The following CBR4 variants were observed in gnomAD, a reference collection of about 807,000 sequenced individuals.
The protein encoded by CBR4 is carbonyl reductase 4.
In CBR4, 22 loss-of-function variants were observed where a neutral mutation model predicts 21.0. That is an observed-to-expected ratio of 1.05 (90% CI 0.75 to 1.50). CBR4 has a LOEUF of 1.50. CBR4 is among the 40% of genes most tolerant of loss of function. The pLI is 0.00. For missense variants in CBR4, 302 were observed against 286.3 expected, an observed-to-expected ratio of 1.05 and a Z score of -0.40; for synonymous variants, 100 against 104.4, an observed-to-expected ratio of 0.96 and a Z score of 0.26.
At chr4:168,921,783 AT>A in intron 2 of CBR4, 1 of 1,430,060 alleles carries the variant, frequency 7.0e-7, no homozygotes, top group Non-Finnish European at 9.9e-7. Context: ...CAGAATGAAC[AT>A]CAGACTTACA....
intron 4 of CBR4, among the ~76,000 whole-genome samples, chr4:168,994,745 ATTTTTTTTTTTT>A (rs5863973): frequency 2.0e-4 from 10 of 48,784 alleles, no homozygotes; most frequent in Non-Finnish European, 3.0e-4. Flanking sequence ...CGCCTGGCTA[ATTTTTTTTTTTT>A]TTTTTTTTTT....
chr4:169,002,009 A>G (rs1461569497), intron 4 of CBR4, 62 bp downstream of exon 4: 2 of 1,334,762 alleles, frequency 1.5e-6, no homozygotes, highest in Non-Finnish European at 2.0e-6. Flanking sequence ...AATGTTCCAA[A>G]TAATGGCTTC....
chr4:168,916,033 A>G, intron 2 of CBR4: 1 of 1,612,830 alleles, frequency 6.2e-7, no homozygotes, highest in Non-Finnish European at 8.5e-7. Flanking sequence ...GCAAAGTAAG[A>G]TTTTGTTATT....
At chr4:168,981,902 T>A (rs1449363033) in intron 2 of CBR4, among the ~76,000 whole-genome samples, 1 of 152,156 alleles carries the variant, frequency 6.6e-6, no homozygotes, top group East Asian at 1.9e-4. Context: ...TTACAAGAGG[T>A]CCATAAGACA....
Position 169,010,175 on chromosome 4 carries a change from CAAAAAAAAAAA to C in CBR4, c.-97_-87del. ...TCAGGCTTTTAAACAACCGCGGTTC[CAAAAAAAAAAA>C]AAAGAAAAAAAAAGGCAAACCGCAA... On this transcript the variant is annotated 5_prime_UTR_variant, in exon 1 of 5. Transcript: ENST00000306193. 3.0e-6 allele frequency: 2 copies of C among 664,130 alleles called. No homozygotes were observed. Among genetic ancestry groups the C allele is most frequent in the South Asian group, 4.9e-5 (1 of 20,244 alleles). The allele number at this position is 664,130 out of a possible 1,614,324, so 41.1% of individuals were successfully genotyped here.
intron 3 of CBR4, chr4:169,005,131 CAG>C (rs1162529668): frequency 2.0e-5 from 3 of 151,836 alleles, no homozygotes; most frequent in African/African-American, 7.3e-5. Flanking sequence ...GTGAAGTACA[CAG>C]AGAGAACAGA....
At chr4:168,941,573 T>C (rs1405931584) in intron 2 of CBR4, among the ~76,000 whole-genome samples, 2 of 152,162 alleles carry the variant, frequency 1.3e-5, no homozygotes, top group Non-Finnish European at 1.5e-5. Context: ...TAAAAAAAGA[T>C]ACATACCCAG....
In CBR4 at chr4:169,010,085, T is replaced by C; in HGVS notation, c.5A>G (p.Asp2Gly). Reference sequence around the variant, plus strand: ...GCCTCCAAAAACAGCACACACTTTGTCCATCTCGGAGTCACAAACTCGGAG... The same window carrying C: ...GCCTCCAAAAACAGCACACACTTTGCCCATCTCGGAGTCACAAACTCGGAG... M[D>G]KVCAVFGGSR... Residue 2 changes from aspartate to glycine, a missense_variant, in exon 1 of 5, where the codon GAC becomes GGC. By Grantham distance (94) the Asp-to-Gly change is moderately conservative. Transcript: ENST00000306193. The C allele has an allele frequency of 1.2e-6, 2 of 1,608,216 alleles. No individual in the cohort carries two copies. Among genetic ancestry groups the C allele is most frequent in the Non-Finnish European group, 1.7e-6 (2 of 1,178,218 alleles).
intron 4 of CBR4, among the ~76,000 whole-genome samples, chr4:168,998,726 G>A (rs1410958620): frequency 6.6e-6 from 1 of 152,100 alleles, no homozygotes; most frequent in Non-Finnish European, 1.5e-5. Flanking sequence ...AAAAAGTGAA[G>A]CAGCTCTATA....
intron 2 of CBR4, among the ~76,000 whole-genome samples, chr4:168,934,325 G>A: frequency 1.8e-5 from 2 of 111,774 alleles, no homozygotes. Context: ...CCCAAAATTA[G>A]CAGAAGGAAA....
rs565824944 is a variant in CBR4 at position 168,908,211 on chromosome 4, A to C, written n.170-13446T>G. Among the ~76,000 whole-genome samples, 6 of 152,306 alleles carry C rather than the reference A, an allele frequency of 3.9e-5. No individual in the cohort carries two copies. The East Asian group carries it at 1.2e-3, about 29-fold the overall frequency. ...GGGGCTTCAGTAACTGGTATGTCCA[A>C]ATATGGCAGATATAAGTTCTGTGAG... is the stretch of plus-strand genomic sequence containing the variant. On this transcript the variant is annotated intron_variant and non_coding_transcript_variant, in intron 2 of 3. Coordinates refer to the CBR4 transcript ENST00000509108.
intron 2 of CBR4, among the ~76,000 whole-genome samples, chr4:168,945,805 G>C (rs1763381920): frequency 6.6e-6 from 1 of 152,060 alleles, no homozygotes; most frequent in Non-Finnish European, 1.5e-5. Flanking sequence ...CAAAAACTTA[G>C]ACAATTTTGT....
Position 168,989,310 on chromosome 4 carries a change from C to A in CBR4, c.*840G>T. On this transcript the variant is annotated 3_prime_UTR_variant, in exon 5 of 5. Transcript: ENST00000306193. ...ACATCCTAAGTTCATGAAATCTGTG[C>A]GGTTCACTACTGTACCAGGTATTAA... The A allele has an allele frequency of 2.0e-6, 2 of 985,286 alleles. No individual in the cohort carries two copies. The highest frequency in any genetic ancestry group is 1.2e-6 in the Non-Finnish European group (1 of 829,856). 61.0% of individuals were successfully genotyped at this position (985,286 alleles called of 1,614,324 possible).
At chr4:168,922,096 T>TACACACACAC (rs1464630467) in intron 2 of CBR4, among the ~76,000 whole-genome samples, 3 of 104,888 alleles carry the variant, frequency 2.9e-5, no homozygotes, top group African/African-American at 9.6e-5. Context: ...TATATATATA[T>TACACACACAC]ATATATACAC....
chr4:168,916,684 CTT>C (rs545906704), intron 2 of CBR4, among the ~76,000 whole-genome samples: 3 of 136,458 alleles, frequency 2.2e-5, no homozygotes, highest in African/African-American at 5.4e-5. Context: ...TTTTCTAATT[CTT>C]TTTTTTTTTT....
chr4:168,980,290 TA>T (rs1312795759), intron 2 of CBR4, among the ~76,000 whole-genome samples: 1 of 151,854 alleles, frequency 6.6e-6, no homozygotes, highest in African/African-American at 2.4e-5. Flanking sequence ...ACTGAGAAGG[TA>T]CATGACTGCA....
chr4:168,942,075 C>A (rs1047008787), intron 2 of CBR4, among the ~76,000 whole-genome samples: 2 of 152,108 alleles, frequency 1.3e-5, no homozygotes, highest in African/African-American at 4.8e-5. Context: ...GAGTTCATGT[C>A]CTTTGCAGGG....
chr4:168,980,052 T>C (rs1764496520), intron 2 of CBR4, among the ~76,000 whole-genome samples: 1 of 152,064 alleles, frequency 6.6e-6, no homozygotes, highest in East Asian at 1.9e-4. Flanking sequence ...ACAATGGCTA[T>C]GTATATCCCT....
chr4:168,971,888 C>T (rs1397185429), intron 2 of CBR4, among the ~76,000 whole-genome samples: 3 of 152,074 alleles, frequency 2.0e-5, no homozygotes, highest in African/African-American at 7.2e-5. Context: ...TGAGTTTTTC[C>T]AGTGTTATCT....
Sources: allele counts gnomAD v4.1 joint callset (sites outside exome capture counted in the v4.1 genomes callset), GRCh38; gene constraint gnomAD v4.1.1; transcripts MANE v1.5; gene names NCBI Gene and HGNC (gene_info 2026-07-23, HGNC 2026-07-21).